The following ANKRD17 variants were observed in gnomAD, a reference collection of about 807,000 sequenced individuals.
ANKRD17 encodes ankyrin repeat domain 17.
ANKRD17 carries 19 observed loss-of-function variants against 229.7 expected under a neutral mutation model. The ratio of observed to expected loss-of-function variants is 0.08; its 90% CI spans 0.06 to 0.12. ANKRD17 has a LOEUF of 0.12. Among genes scored for constraint, ANKRD17 ranks in the 10% least tolerant of loss-of-function variants. The pLI is 1.00. For missense variants in ANKRD17, 2,176 were observed against 3,176.8 expected (o/e 0.68, Z 7.57); for synonymous variants, 1,112 against 1,146.1 (o/e 0.97, Z 0.60).
chr4:73,228,677 T>C (rs1039370616), intron 1 of ANKRD17, among the ~76,000 whole-genome samples: 4 of 152,232 alleles, frequency 2.6e-5, no homozygotes, highest in Admixed American at 2.6e-4. Context: ...TGTTTCAGAT[T>C]AGTACATAAA....
intron 16 of ANKRD17, among the ~76,000 whole-genome samples, chr4:73,133,698 C>T (rs1362989395): frequency 2.0e-5 from 3 of 151,632 alleles, no homozygotes; most frequent in Non-Finnish European, 2.9e-5. Context: ...CCGGCCATCT[C>T]GTATTTTTTT....
chr4:73,222,834 T>C, intron 1 of ANKRD17: 1 of 677,302 alleles, frequency 1.5e-6, no homozygotes, highest in South Asian at 1.8e-5. Context: ...TCACACGGAA[T>C]AGGTCTGACC....
chr4:73,196,345 T>G (rs1737881927), intron 1 of ANKRD17, among the ~76,000 whole-genome samples: 2 of 152,164 alleles, frequency 1.3e-5, no homozygotes, highest in African/African-American at 2.4e-5. Context: ...TCTTATTCTT[T>G]CTTCCATTCT....
chr4:73,252,562 G>C (rs1225998412), intron 1 of ANKRD17, among the ~76,000 whole-genome samples: 1 of 152,150 alleles, frequency 6.6e-6, no homozygotes, highest in African/African-American at 2.4e-5. Context: ...TATGGGGCTA[G>C]AGCAGAAAGG....
intron 31 of ANKRD17, 75 bp downstream of exon 31, chr4:73,078,567 T>G: frequency 1.3e-6 from 2 of 1,488,264 alleles, no homozygotes; most frequent in Non-Finnish European, 1.8e-6. Flanking sequence ...GAAATGACTA[T>G]TAAAGTTAAA....
At chr4:73,152,916 T>C (rs1191509710) in intron 6 of ANKRD17, among the ~76,000 whole-genome samples, 3 of 152,198 alleles carry the variant, frequency 2.0e-5, no homozygotes, top group Non-Finnish European at 4.4e-5. Flanking sequence ...AAATAAACCA[T>C]ATTTTTCAAA....
chr4:73,233,669 G>A (rs1252735946), intron 1 of ANKRD17, among the ~76,000 whole-genome samples: 2 of 151,930 alleles, frequency 1.3e-5, no homozygotes, highest in East Asian at 3.9e-4. Context: ...TTTTCTCTGT[G>A]CTACTGTATC....
intron 1 of ANKRD17, among the ~76,000 whole-genome samples, chr4:73,247,031 C>T (rs1224526859): frequency 1.3e-5 from 2 of 151,994 alleles, no homozygotes; most frequent in Admixed American, 6.6e-5. Flanking sequence ...AGGGAGAATA[C>T]TGTAACACAT....
intron 2 of ANKRD17, among the ~76,000 whole-genome samples, chr4:73,163,037 T>G (rs1732749050): frequency 1.3e-5 from 2 of 151,784 alleles, no homozygotes; most frequent in Admixed American, 6.6e-5. Flanking sequence ...TGCTTTTTTT[T>G]TTTTTTTTGT....
intron 1 of ANKRD17, among the ~76,000 whole-genome samples, chr4:73,185,174 G>A (rs1002920104): frequency 4.6e-5 from 7 of 150,616 alleles, no homozygotes; most frequent in Non-Finnish European, 8.9e-5. Context: ...GATGTTTTCC[G>A]AAGAAAAAAT....
intron 2 of ANKRD17, among the ~76,000 whole-genome samples, chr4:73,168,520 T>C (rs1478602783): frequency 6.6e-6 from 1 of 152,120 alleles, no homozygotes; most frequent in African/African-American, 2.4e-5. Context: ...TTCACAAAAA[T>C]ACCACGATGA....
intron 1 of ANKRD17, among the ~76,000 whole-genome samples, chr4:73,205,998 ATAAT>A (rs1290534677): frequency 6.6e-6 from 1 of 152,202 alleles, no homozygotes; most frequent in African/African-American, 2.4e-5. Context: ...AACATCACTA[ATAAT>A]TAGAGAAATG....
chr4:73,149,688 G>A (rs1347945761), intron 7 of ANKRD17, among the ~76,000 whole-genome samples: 2 of 151,944 alleles, frequency 1.3e-5, no homozygotes, highest in African/African-American at 4.8e-5. Flanking sequence ...GCAAAATGGT[G>A]AGATCCCATT....
chr4:73,096,599 G>A (rs935295763), intron 27 of ANKRD17, among the ~76,000 whole-genome samples: 1 of 152,124 alleles, frequency 6.6e-6, no homozygotes, highest in Admixed American at 6.5e-5. Flanking sequence ...GAGTGACAAT[G>A]GATCACATTC....
intron 30 of ANKRD17, 75 bp from the exon 31 acceptor site, chr4:73,078,965 A>T: frequency 6.9e-7 from 1 of 1,442,256 alleles, no homozygotes; most frequent in Non-Finnish European, 9.3e-7. Flanking sequence ...AAATCTTAAA[A>T]CCAGGAGATG....
At position 73,076,061 on chromosome 4, in the gene ANKRD17, G is replaced by A. The variant is rs1720975159; in HGVS notation, c.*170C>T. On this transcript the variant is annotated 3_prime_UTR_variant, in exon 34 of 34. Transcript: ENST00000358602. ...AACGGATGATGATGGGGAATGGGCA[G>A]TCACAAATGTTCACAGAAAATAGGT... 4.1e-6 allele frequency: 2 copies of A among 493,722 alleles called. No homozygotes were observed. The highest frequency in any genetic ancestry group is 7.3e-6 in the Non-Finnish European group (2 of 275,092). 30.6% of individuals were successfully genotyped at this position (493,722 alleles called of 1,614,324 possible). A position where few individuals can be genotyped will look rare whatever the true frequency, so the allele number is the denominator to read the frequency against.
intron 24 of ANKRD17, among the ~76,000 whole-genome samples, chr4:73,107,394 C>T (rs1338509730): frequency 6.6e-6 from 1 of 152,208 alleles, no homozygotes; most frequent in Non-Finnish European, 1.5e-5. Context: ...GTTCTAGTTT[C>T]ATCAGTAAAC....
Position 73,104,868 on chromosome 4 carries a change from G to C in ANKRD17, c.4402-2321C>G, listed in dbSNP as rs1052672517. 5.9e-5 allele frequency among the ~76,000 whole-genome samples: 9 copies of C among 152,234 alleles called. No individual in the cohort carries two copies. The East Asian group carries it at 1.7e-3, about 29-fold the overall frequency. On this transcript the variant is annotated intron_variant, in intron 24 of 33. Coordinates refer to ENST00000358602, the MANE Select transcript of ANKRD17 (RefSeq NM_032217.5). ...GATGTTGATGGGGGTGGTAGGTTTG[G>C]GTAGGTCATAGGGTGTGGCTGGGTC...
At position 73,142,381 on chromosome 4, in the gene ANKRD17, C is replaced by T; in HGVS notation, c.2090G>A (p.Gly697Asp). The part of the protein sequence containing the change: ...GADPTHRLKD[G>D]STMLIEAAKG... ...TGCTGCTTCTATCAACATAGTTGAG[C>T]CATCCTAAAAGAGTGAATATGGAAG... is the stretch of plus-strand genomic sequence containing the variant. The change falls in exon 13 of 34, where the codon GGC becomes GAC. Residue 697 changes from glycine (G) to aspartate (D), a missense_variant. Gly to Asp is a moderately conservative substitution (Grantham distance 94). Around this residue, in one of 18 missense-constraint regions of ANKRD17, gnomAD observed 275 missense variants for 386.9 expected, o/e 0.71. Coordinates refer to ENST00000358602, the MANE Select transcript of ANKRD17 (RefSeq NM_032217.5). 2.5e-6 allele frequency: 4 copies of T among 1,589,126 alleles called. No individual in the cohort carries two copies. The highest frequency in any genetic ancestry group is 3.4e-6 in the Non-Finnish European group (4 of 1,174,548).
Sources: gnomAD v4.1 joint callset for allele counts (sites outside exome capture counted in the v4.1 genomes callset) on GRCh38, gnomAD v4.1.1 for gene constraint, gnomAD v4.1.1 regional missense constraint, MANE v1.5 for transcripts, NCBI Gene and HGNC (gene_info 2026-07-23, HGNC 2026-07-21) for gene names.